The following RAB3C variants were observed in gnomAD, a reference collection of about 807,000 sequenced individuals.
RAB3C encodes the protein ras-related protein Rab-3C.
In RAB3C, 17 loss-of-function variants were observed where a neutral mutation model predicts 26.4. The observed-to-expected ratio is 0.64, with a 90% confidence interval of 0.44 to 0.97. The LOEUF (loss-of-function observed/expected upper bound fraction) is 0.97, where lower values mean the gene tolerates loss of function less well. RAB3C is among the 50% of genes least tolerant of loss of function. The pLI, the probability that RAB3C is intolerant of heterozygous loss-of-function variation, is 0.00. For missense variants in RAB3C, 242 were observed against 281.9 expected, an observed-to-expected ratio of 0.86 and a Z score of 1.01; for synonymous variants, 91 against 95.9, an observed-to-expected ratio of 0.95 and a Z score of 0.30.
chr5:58,652,399 A>G (rs1303819521), intron 2 of RAB3C, among the ~76,000 whole-genome samples: 1 of 151,964 alleles, frequency 6.6e-6, no homozygotes, highest in Non-Finnish European at 1.5e-5. Context: ...AGGAGGAGAA[A>G]CTTATCTTTT....
At chr5:58,681,647 T>C (rs1209930674) in intron 2 of RAB3C, among the ~76,000 whole-genome samples, 3 of 152,214 alleles carry the variant, frequency 2.0e-5, no homozygotes, top group Admixed American at 2.0e-4. Flanking sequence ...AGGAATCATT[T>C]GTATTTGGGA....
At chr5:58,804,682 T>TGTGTGG (rs1420982268) in intron 3 of RAB3C, among the ~76,000 whole-genome samples, 11 of 152,070 alleles carry the variant, frequency 7.2e-5, no homozygotes, top group African/African-American at 2.7e-4. Context: ...TGTGTGTGTG[T>TGTGTGG]GTGTGTGTAT....
At chr5:58,732,546 T>C (rs1309983380) in intron 3 of RAB3C, among the ~76,000 whole-genome samples, 1 of 152,174 alleles carries the variant, frequency 6.6e-6, no homozygotes, top group East Asian at 1.9e-4. Context: ...GCACCTTCAG[T>C]GAAGGCCTCT....
At chr5:58,817,819 T>TG (rs1464186315) in intron 3 of RAB3C, among the ~76,000 whole-genome samples, 21 of 152,134 alleles carry the variant, frequency 1.4e-4, no homozygotes, top group Admixed American at 1.0e-3. Flanking sequence ...TTAAATTAAG[T>TG]GAAAAAAATA....
chr5:58,812,392 G>C (rs183487368), intron 3 of RAB3C, among the ~76,000 whole-genome samples: 87 of 152,314 alleles, frequency 5.7e-4, no homozygotes, highest in Non-Finnish European at 9.0e-4. Flanking sequence ...TCCTGAATCA[G>C]ATGATCTAGG....
In RAB3C at chr5:58,640,330, G is replaced by C. The variant is rs114733490; in HGVS notation, c.252+22460G>C. 3.1e-3 allele frequency among the ~76,000 whole-genome samples: 473 copies of C among 152,322 alleles called. 1 individual carries two copies. The highest frequency in any genetic ancestry group is 0.01 in the African/African-American group (432 of 41,570). Reference sequence around the variant, plus strand: ...AAATGAATGTCAGGAATGTACATCAGAACTTGTAAAGTAGGATAGCCTTCC... The same window carrying C: ...AAATGAATGTCAGGAATGTACATCACAACTTGTAAAGTAGGATAGCCTTCC... On this transcript the variant is annotated intron_variant, in intron 2 of 4. Coordinates refer to ENST00000282878, the MANE Select transcript of RAB3C (RefSeq NM_138453.4).
chr5:58,744,593 T>C (rs572041770), intron 3 of RAB3C, among the ~76,000 whole-genome samples: 1 of 152,348 alleles, frequency 6.6e-6, no homozygotes, highest in East Asian at 1.9e-4. Context: ...TCTGATGACA[T>C]AACTGCGTAG....
chr5:58,692,248 ACT>A (rs1452864031), intron 2 of RAB3C, among the ~76,000 whole-genome samples: 1 of 152,208 alleles, frequency 6.6e-6, no homozygotes, highest in African/African-American at 2.4e-5. Flanking sequence ...TGGAATATTC[ACT>A]GTTTGTTCAA....
chr5:58,742,122 C>T (rs939932830), intron 3 of RAB3C: 1 of 152,258 alleles, frequency 6.6e-6, no homozygotes, highest in East Asian at 1.9e-4. Context: ...AAATGGTGCA[C>T]ACCAACTGAA....
chr5:58,621,765 G>A (rs1746945674), intron 2 of RAB3C, among the ~76,000 whole-genome samples: 1 of 152,092 alleles, frequency 6.6e-6, no homozygotes, highest in East Asian at 1.9e-4. Context: ...TAGGGGAGAT[G>A]GGGTTTCACC....
chr5:58,839,435 A>G (rs1211597659), intron 4 of RAB3C, among the ~76,000 whole-genome samples: 3 of 151,854 alleles, frequency 2.0e-5, no homozygotes, highest in East Asian at 1.9e-4. Context: ...CAATGGCACA[A>G]TCTTGGCTCA....
intron 2 of RAB3C, among the ~76,000 whole-genome samples, chr5:58,649,844 G>A (rs1455943438): frequency 6.6e-6 from 1 of 152,124 alleles, no homozygotes; most frequent in Non-Finnish European, 1.5e-5. Context: ...ACGTTTTAAT[G>A]GTCTGCCCAT....
chr5:58,753,511 T>C (rs1741578899), intron 3 of RAB3C, among the ~76,000 whole-genome samples: 1 of 152,122 alleles, frequency 6.6e-6, no homozygotes. Flanking sequence ...CACCATAATC[T>C]ACCTCCCTCA....
At chr5:58,763,406 T>C (rs1175150721) in intron 3 of RAB3C, among the ~76,000 whole-genome samples, 1 of 152,178 alleles carries the variant, frequency 6.6e-6, no homozygotes, top group Non-Finnish European at 1.5e-5. Flanking sequence ...ATATGACTTT[T>C]TAAAAGGAAG....
At chr5:58,837,705 C>CCCA (rs1743782924) in intron 4 of RAB3C, among the ~76,000 whole-genome samples, 1 of 150,112 alleles carries the variant, frequency 6.7e-6, no homozygotes, top group Admixed American at 6.6e-5. Context: ...AGTACAGGTG[C>CCCA]CCACCACCAC....
At chr5:58,791,386 C>T (rs146912083) in intron 3 of RAB3C, among the ~76,000 whole-genome samples, 3 of 152,188 alleles carry the variant, frequency 2.0e-5, no homozygotes, top group East Asian at 1.9e-4. Context: ...ATGTGGGCTC[C>T]GTTACAACAT....
intron 3 of RAB3C, among the ~76,000 whole-genome samples, chr5:58,756,259 C>G (rs1741654080): frequency 6.7e-6 from 1 of 148,322 alleles, no homozygotes; most frequent in Non-Finnish European, 1.5e-5. Flanking sequence ...GCCCTTTACG[C>G]CAAACATCAG....
intron 4 of RAB3C, among the ~76,000 whole-genome samples, chr5:58,843,720 A>G (rs573715609): frequency 2.6e-5 from 4 of 152,194 alleles, no homozygotes; most frequent in Non-Finnish European, 5.9e-5. Context: ...TTATATCATA[A>G]ATTTCCCACA....
At chr5:58,707,272 C>T (rs971451551) in intron 2 of RAB3C, among the ~76,000 whole-genome samples, 4 of 152,122 alleles carry the variant, frequency 2.6e-5, no homozygotes, top group Admixed American at 2.0e-4. Context: ...TCATACATAA[C>T]ATTTGGATAA....
Sources: gnomAD v4.1 joint callset for allele counts (sites outside exome capture counted in the v4.1 genomes callset) on GRCh38, gnomAD v4.1.1 for gene constraint, MANE v1.5 for transcripts, NCBI Gene and HGNC (gene_info 2026-07-23, HGNC 2026-07-21) for gene names.